FKBP5: variants seen among roughly 807,000 people sequenced by gnomAD.
FKBP5 encodes peptidyl-prolyl cis-trans isomerase FKBP5.
In FKBP5, 23 loss-of-function variants were observed where a neutral mutation model predicts 50.5. That is an observed-to-expected ratio of 0.46 (90% CI 0.33 to 0.65). The LOEUF (loss-of-function observed/expected upper bound fraction) is 0.65. FKBP5 is among the 30% of genes least tolerant of loss of function. FKBP5 has a pLI of 0.02. For synonymous variants in FKBP5, 176 were observed against 190.6 expected (o/e 0.92, Z 0.63); for missense variants, 411 against 553.1 (o/e 0.74, Z 2.58).
intron 1 of FKBP5, among the ~76,000 whole-genome samples, chr6:35,670,572 A>G (rs914471707): frequency 1.3e-5 from 2 of 151,918 alleles, no homozygotes; most frequent in Admixed American, 1.3e-4. Flanking sequence ...TACTAAAAAT[A>G]CAAAAAAAAA....
chr6:35,702,407 C>T (rs1766205049), intron 2 of FKBP5, among the ~76,000 whole-genome samples: 1 of 149,582 alleles, frequency 6.7e-6, no homozygotes, highest in South Asian at 2.1e-4. Context: ...AGTCTTTTGA[C>T]AAATGGTGCT....
chr6:35,669,122 A>C (rs559540393), intron 1 of FKBP5, among the ~76,000 whole-genome samples: 1 of 152,346 alleles, frequency 6.6e-6, no homozygotes, highest in South Asian at 2.1e-4. Context: ...AGGAAAACAA[A>C]GTTAAATTCA....
At chr6:35,645,943 C>G (rs762447215) in intron 1 of FKBP5, among the ~76,000 whole-genome samples, 2 of 152,104 alleles carry the variant, frequency 1.3e-5, no homozygotes, top group Non-Finnish European at 2.9e-5. Context: ...TGATGAAACC[C>G]CGTCTCTACT....
chr6:35,627,961 G>A (rs1038729109), intron 3 of FKBP5, among the ~76,000 whole-genome samples: 13 of 140,138 alleles, frequency 9.3e-5, no homozygotes, highest in East Asian at 8.2e-4. Context: ...TAGTAGAGAC[G>A]GGGTTTCACC....
chr6:35,640,503 G>T (rs1441371201), intron 2 of FKBP5, among the ~76,000 whole-genome samples: 1 of 152,116 alleles, frequency 6.6e-6, no homozygotes, highest in Non-Finnish European at 1.5e-5. Flanking sequence ...TGAAGGCCTA[G>T]GATATTACCA....
At chr6:35,610,825 C>A (rs1763470635) in intron 5 of FKBP5, among the ~76,000 whole-genome samples, 3 of 151,986 alleles carry the variant, frequency 2.0e-5, no homozygotes, top group South Asian at 4.1e-4. Flanking sequence ...AAAAAAAATA[C>A]TTGTGCCTGG....
At chr6:35,603,791 T>C (rs897546919) in intron 5 of FKBP5, among the ~76,000 whole-genome samples, 1 of 151,982 alleles carries the variant, frequency 6.6e-6, no homozygotes, top group Non-Finnish European at 1.5e-5. Context: ...TGCAACCATC[T>C]GCCTCCCGAG....
At chr6:35,678,331 C>G (rs1765578808) in intron 1 of FKBP5, among the ~76,000 whole-genome samples, 1 of 152,020 alleles carries the variant, frequency 6.6e-6, no homozygotes. Flanking sequence ...ATATTTAGAC[C>G]TCAAGTTTAA....
chr6:35,698,438 G>T (rs948375471), intron 2 of FKBP5, among the ~76,000 whole-genome samples: 23 of 152,066 alleles, frequency 1.5e-4, no homozygotes, highest in Non-Finnish European at 2.4e-4. Context: ...CCTGAGGTCA[G>T]GAGTTGGAGA....
intron 1 of FKBP5, among the ~76,000 whole-genome samples, chr6:35,727,072 A>T (rs952350200): frequency 6.6e-6 from 1 of 152,192 alleles, no homozygotes; most frequent in African/African-American, 2.4e-5. Context: ...TATGAGCTGG[A>T]GCAGCAGAGA....
intron 2 of FKBP5, among the ~76,000 whole-genome samples, chr6:35,638,571 C>G (rs1031627164): frequency 3.3e-5 from 5 of 152,068 alleles, no homozygotes; most frequent in African/African-American, 4.8e-5. Flanking sequence ...GCACATGCCA[C>G]CACGCCTGGC....
intron 2 of FKBP5, among the ~76,000 whole-genome samples, chr6:35,709,877 T>TA (rs35553126): frequency 0.22 from 32,746 of 149,024 alleles, 3,789 homozygotes; most frequent in African/African-American, 0.29. Flanking sequence ...TGCTTTTAGG[T>TA]AAAAAAAAAA....
chr6:35,590,593 A>T (rs1345586872), intron 7 of FKBP5, among the ~76,000 whole-genome samples: 1 of 146,886 alleles, frequency 6.8e-6, no homozygotes, highest in Non-Finnish European at 1.5e-5. Context: ...GGAGAAGTAT[A>T]AAAAAAAAAT....
At chr6:35,709,877 T>TTAA (rs1766384529) in intron 2 of FKBP5, among the ~76,000 whole-genome samples, 1 of 149,096 alleles carries the variant, frequency 6.7e-6, no homozygotes, top group Non-Finnish European at 1.5e-5. Context: ...TGCTTTTAGG[T>TTAA]AAAAAAAAAA....
chr6:35,583,152 A>G, intron 8 of FKBP5: 1 of 985,442 alleles, frequency 1.0e-6, no homozygotes, highest in Non-Finnish European at 1.2e-6. Flanking sequence ...GTGGGTGGAA[A>G]TGAAAAGTGT....
At chr6:35,595,673 C>A (rs1191004260) in intron 6 of FKBP5, among the ~76,000 whole-genome samples, 3 of 151,788 alleles carry the variant, frequency 2.0e-5, no homozygotes, top group Non-Finnish European at 4.4e-5. Context: ...ATCACCTGAG[C>A]CCTGGAGGTT....
chr6:35,648,527 C>G (rs1764694792), intron 1 of FKBP5, among the ~76,000 whole-genome samples: 1 of 152,170 alleles, frequency 6.6e-6, no homozygotes, highest in South Asian at 2.1e-4. Context: ...GATCCTCCCA[C>G]TTCGTCCTCT....
At chr6:35,656,933 C>T (rs1486433178) in intron 1 of FKBP5, among the ~76,000 whole-genome samples, 2 of 148,176 alleles carry the variant, frequency 1.3e-5, no homozygotes, top group Non-Finnish European at 3.0e-5. Flanking sequence ...GAAAAAAAGC[C>T]GGGCACGGTG....
At chr6:35,624,523 A>G (rs562278544) in intron 3 of FKBP5, among the ~76,000 whole-genome samples, 5 of 151,962 alleles carry the variant, frequency 3.3e-5, no homozygotes, top group Non-Finnish European at 5.9e-5. Flanking sequence ...AGCCCAGAGG[A>G]AAAAAACAAG....
Sources: gnomAD v4.1 joint callset for allele counts (sites outside exome capture counted in the v4.1 genomes callset) on GRCh38, gnomAD v4.1.1 for gene constraint, MANE v1.5 for transcripts, NCBI Gene and HGNC (gene_info 2026-07-23, HGNC 2026-07-21) for gene names.